The following EPC2 variants were observed in gnomAD, a reference collection of about 807,000 sequenced individuals.
EPC2 encodes the protein enhancer of polycomb 2, also known as enhancer of polycomb homolog 2.
EPC2 carries 14 observed loss-of-function variants against 92.1 expected under a neutral mutation model. The observed-to-expected ratio is 0.15, with a 90% CI of 0.10 to 0.24. EPC2 has a LOEUF of 0.24. EPC2 is among the 10% of genes least tolerant of loss of function. The pLI, the probability that EPC2 is intolerant of heterozygous loss-of-function variation, is 1.00. For missense variants in EPC2, 755 were observed against 971.5 expected (o/e 0.78, Z 2.96); for synonymous variants, 340 against 334.7 (o/e 1.02, Z -0.17).
At chr2:148,701,776 G>C (rs1377811325) in intron 2 of EPC2, among the ~76,000 whole-genome samples, 2 of 152,078 alleles carry the variant, frequency 1.3e-5, no homozygotes, top group Non-Finnish European at 2.9e-5. Context: ...CTCTGCTTCT[G>C]TTTTCTGGGA....
At chr2:148,759,318 C>G (rs1397219874) in intron 4 of EPC2, among the ~76,000 whole-genome samples, 5 of 152,144 alleles carry the variant, frequency 3.3e-5, no homozygotes, top group Non-Finnish European at 2.9e-5. Flanking sequence ...GTCTCGAATT[C>G]CTGACCCCAG....
intron 1 of EPC2, chr2:148,645,503 CCT>C (rs1055370070): frequency 3.3e-5 from 9 of 272,446 alleles, no homozygotes; most frequent in African/African-American, 1.3e-4. Context: ...TTTCCACCTC[CCT>C]CTCTCAGGCG....
intron 2 of EPC2, among the ~76,000 whole-genome samples, chr2:148,730,296 G>A (rs796488775): frequency 9.9e-5 from 15 of 152,282 alleles, no homozygotes; most frequent in African/African-American, 3.4e-4. Flanking sequence ...GGAGATTATG[G>A]TGCTTGGGTT....
chr2:148,648,870 T>A (rs1396020516), intron 1 of EPC2, among the ~76,000 whole-genome samples: 2 of 152,240 alleles, frequency 1.3e-5, no homozygotes, highest in Non-Finnish European at 2.9e-5. Flanking sequence ...CTTTTGGACA[T>A]CCAAACATCT....
intron 10 of EPC2, among the ~76,000 whole-genome samples, chr2:148,779,844 A>G (rs1042754995): frequency 2.0e-5 from 3 of 152,236 alleles, no homozygotes; most frequent in Non-Finnish European, 2.9e-5. Flanking sequence ...GACTGTTGTA[A>G]TAATACCAGA....
chr2:148,646,263 T>C (rs1336664991), intron 1 of EPC2, among the ~76,000 whole-genome samples: 4 of 152,246 alleles, frequency 2.6e-5, no homozygotes. Flanking sequence ...TTTTGACTAT[T>C]AATATTGCAG....
chr2:148,762,392 T>A (rs897015483), intron 5 of EPC2, among the ~76,000 whole-genome samples: 3 of 152,098 alleles, frequency 2.0e-5, no homozygotes, highest in African/African-American at 7.2e-5. Flanking sequence ...TTTGTATGAT[T>A]CCTGGAGTAA....
At chr2:148,747,502 A>T (rs377349677) in intron 3 of EPC2, among the ~76,000 whole-genome samples, 1 of 151,932 alleles carries the variant, frequency 6.6e-6, no homozygotes, top group Non-Finnish European at 1.5e-5. Context: ...TCAGCAAACT[A>T]CCACCCATTG....
At chr2:148,670,628 T>TA (rs2105360275) in intron 1 of EPC2, among the ~76,000 whole-genome samples, 1 of 152,314 alleles carries the variant, frequency 6.6e-6, no homozygotes, top group East Asian at 1.9e-4. Flanking sequence ...ATGTCAAACG[T>TA]GGTTCTAAAA....
At position 148,728,745 on chromosome 2, in the gene EPC2, A is replaced by T. The variant is rs531911303; in HGVS notation, c.314-14877A>T. Among the ~76,000 whole-genome samples, 243 of 140,138 alleles carry T rather than the reference A, an allele frequency of 1.7e-3. 1 individual carries two copies. The Middle Eastern group carries it at 0.025, about 15-fold the overall frequency. 91.9% of individuals were successfully genotyped at this position (140,138 alleles called of 152,430 possible). A position where few individuals can be genotyped will look rare whatever the true frequency, so the allele number is the denominator to read the frequency against. ...GCCTTTCCTCTTTTTTTTTTTTTTAAAAAAAGGCCGGGCACGGTAGCTCAC... is the reference window on the plus strand; with the variant it reads ...GCCTTTCCTCTTTTTTTTTTTTTTATAAAAAGGCCGGGCACGGTAGCTCAC... On this transcript the variant is annotated intron_variant, in intron 2 of 13. Transcript: ENST00000258484.
At chr2:148,745,998 TC>T (rs1682978316) in intron 3 of EPC2, among the ~76,000 whole-genome samples, 2 of 152,072 alleles carry the variant, frequency 1.3e-5, no homozygotes, top group Non-Finnish European at 2.9e-5. Flanking sequence ...CTTGGAGCTG[TC>T]TTCACCTTTT....
intron 1 of EPC2, among the ~76,000 whole-genome samples, chr2:148,664,193 G>A (rs1246024258): frequency 6.6e-6 from 1 of 152,120 alleles, no homozygotes; most frequent in African/African-American, 2.4e-5. Flanking sequence ...GTGTTTGGAA[G>A]ATATTGTTAA....
chr2:148,674,070 C>T (rs1681207756), intron 1 of EPC2, among the ~76,000 whole-genome samples: 1 of 151,998 alleles, frequency 6.6e-6, no homozygotes, highest in East Asian at 1.9e-4. Flanking sequence ...ATGACTGGTG[C>T]ATTTGAAAAA....
At chr2:148,718,945 C>CT (rs1408158818) in intron 2 of EPC2, among the ~76,000 whole-genome samples, 1 of 152,130 alleles carries the variant, frequency 6.6e-6, no homozygotes, top group Non-Finnish European at 1.5e-5. Context: ...CCATTTCCTT[C>CT]TTTTTTCTCT....
rs1683135614 is a variant in EPC2, at chr2:148,754,144, A to AATTAGGTTTC, written c.666+15_666+24dup. ...ATGCAAACTCGAAAGGTAATGTGCA[A>AATTAGGTTTC]ATTAGGTTTCATTGAAGGTAGCTTA... On this transcript the variant is annotated intron_variant, in intron 4 of 13. Transcript: ENST00000258484. 1.9e-6 allele frequency: 3 copies of AATTAGGTTTC among 1,572,466 alleles called. No individual in the cohort carries two copies. Among genetic ancestry groups the AATTAGGTTTC allele is most frequent in the Non-Finnish European group, 2.6e-6 (3 of 1,158,434 alleles).
intron 2 of EPC2, among the ~76,000 whole-genome samples, chr2:148,718,629 C>G (rs1574602577): frequency 6.6e-6 from 1 of 152,138 alleles, no homozygotes; most frequent in Non-Finnish European, 1.5e-5. Context: ...TGGGCTTCCC[C>G]TTGTAGGTGA....
chr2:148,699,549 T>G lies in EPC2; in HGVS notation c.313+9176T>G, dbSNP rs562618008. 1.2e-4 allele frequency among the ~76,000 whole-genome samples: 18 copies of G among 152,366 alleles called. No homozygotes were observed. The South Asian group carries it at 3.1e-3, about 26-fold the overall frequency. The stretch of plus-strand genomic sequence containing the variant: ...TATATAATACATAGCCTTTTCAGAT[T>G]CTCTCATGTCTTTTTGTTGCTTGAT... On this transcript the variant is annotated intron_variant, in intron 2 of 13. Coordinates refer to ENST00000258484, the MANE Select transcript of EPC2 (RefSeq NM_015630.4).
chr2:148,778,726 A>G (rs1683694972), intron 10 of EPC2, among the ~76,000 whole-genome samples: 1 of 152,292 alleles, frequency 6.6e-6, no homozygotes, highest in East Asian at 1.9e-4. Flanking sequence ...ATTTTTGTCT[A>G]AAGTTTTGAA....
intron 13 of EPC2, among the ~76,000 whole-genome samples, chr2:148,785,800 G>A (rs1683854792): frequency 6.6e-6 from 1 of 152,080 alleles, no homozygotes; most frequent in Non-Finnish European, 1.5e-5. Flanking sequence ...ATTTTAGAAT[G>A]TTTTTATATT....
Sources: allele counts gnomAD v4.1 joint callset (sites outside exome capture counted in the v4.1 genomes callset), GRCh38; gene constraint gnomAD v4.1.1; transcripts MANE v1.5; gene names NCBI Gene and HGNC (gene_info 2026-07-23, HGNC 2026-07-21).